The following MRTFB variants were observed in gnomAD, a reference collection of about 807,000 sequenced individuals.
MRTFB encodes myocardin-related transcription factor B.
MRTFB carries 29 observed loss-of-function variants against 104.2 expected under a neutral mutation model. The ratio of observed to expected loss-of-function variants is 0.28; its 90% CI spans 0.21 to 0.38. MRTFB has a LOEUF of 0.38. Ranked by LOEUF, MRTFB falls within the 10% of genes least tolerant of loss-of-function variation. The pLI is 1.00. For synonymous variants in MRTFB, 535 were observed against 519.5 expected (o/e 1.03, Z -0.41); for missense variants, 1,270 against 1,341.6 (o/e 0.95, Z 0.83).
chr16:14,099,239 A>C (rs768175143), intron 2 of MRTFB, among the ~76,000 whole-genome samples: 6 of 152,118 alleles, frequency 3.9e-5, no homozygotes, highest in Non-Finnish European at 7.4e-5. Flanking sequence ...TATATTTTTT[A>C]AAATTTCTCT....
intron 10 of MRTFB, among the ~76,000 whole-genome samples, chr16:14,245,302 T>C (rs997674807): frequency 1.3e-5 from 2 of 152,188 alleles, no homozygotes; most frequent in East Asian, 3.9e-4. Context: ...TGCATTTCCA[T>C]ATAAAGCTTA....
Position 14,134,889 on chromosome 16 carries a change from A to G in MRTFB, c.-63-5655A>G, listed in dbSNP as rs372155742. Among the ~76,000 whole-genome samples, 39 of 152,320 alleles carry G rather than the reference A, an allele frequency of 2.6e-4. No homozygotes were observed. The East Asian group carries it at 6.2e-3, about 24-fold the overall frequency. On this transcript the variant is annotated intron_variant, in intron 2 of 16. Coordinates refer to ENST00000571589, the MANE Select transcript of MRTFB (RefSeq NM_001308142.2). The stretch of plus-strand genomic sequence containing the variant: ...TTTCCAAGCCTTGGCTTTCTCATCT[A>G]TAAAATGGGAATGTTGATACCCAGA...
At chr16:14,216,827 G>T (rs951913447) in intron 6 of MRTFB, among the ~76,000 whole-genome samples, 3 of 152,134 alleles carry the variant, frequency 2.0e-5, no homozygotes, top group Non-Finnish European at 4.4e-5. Flanking sequence ...CCTAGTAAAT[G>T]TGAATTTGAC....
chr16:14,006,512 C>CA, the MRTFB span, among the ~76,000 whole-genome samples: 15,865 of 132,320 alleles, frequency 0.12, 930 homozygotes, highest in African/African-American at 0.17. Context: ...GACTCTGTCT[C>CA]AAAAAAAAAA....
At chr16:14,065,792 C>A in the MRTFB span, among the ~76,000 whole-genome samples, 311 of 152,156 alleles carry the variant, frequency 2.0e-3, 1 homozygote, top group African/African-American at 7.1e-3. Flanking sequence ...GTCCACCCTG[C>A]CCTCCCAGCC....
chr16:14,011,325 C>G, the MRTFB span, among the ~76,000 whole-genome samples: 1 of 152,338 alleles, frequency 6.6e-6, no homozygotes, highest in South Asian at 2.1e-4. Context: ...CAAGTCACTT[C>G]ACCTCTCTGA....
rs988504705 is a variant in MRTFB at position 14,219,098 on chromosome 16, G to A, written c.693+100G>A. 4.7e-5 allele frequency: 56 copies of A among 1,202,694 alleles called. 1 individual carries two copies. Among genetic ancestry groups the A allele is most frequent in the Admixed American group, 3.5e-5 (1 of 28,708 alleles). The allele number at this position is 1,202,694 out of a possible 1,614,324, so 74.5% of individuals were successfully genotyped here. ...TTTGACCAGAAGAAAATTCTGAATT[G>A]AATTTAAATTGATTTATTAAGCAAA... On this transcript the variant is annotated intron_variant, in intron 8 of 16. Coordinates refer to ENST00000571589, the MANE Select transcript of MRTFB (RefSeq NM_001308142.2).
At chr16:14,230,230 T>A (rs1210905608) in intron 8 of MRTFB, among the ~76,000 whole-genome samples, 1 of 152,174 alleles carries the variant, frequency 6.6e-6, no homozygotes, top group Admixed American at 6.5e-5. Flanking sequence ...GGGCGAGGAC[T>A]TCATGTCTAA....
chr16:14,261,460 T>C lies in MRTFB; in HGVS notation c.*16T>C. The C allele has an allele frequency of 2.6e-6, 4 of 1,568,072 alleles. No homozygotes were observed. Among genetic ancestry groups the C allele is most frequent in the Non-Finnish European group, 3.5e-6 (4 of 1,154,620 alleles). ...ATGGGACTAACGTCACAGATTTCTT[T>C]TCTGAGAGTTGATGAGGTTTAAGAA... is the stretch of plus-strand genomic sequence containing the variant. On this transcript the variant is annotated 3_prime_UTR_variant, in exon 17 of 17. Coordinates refer to ENST00000571589, the MANE Select transcript of MRTFB (RefSeq NM_001308142.2).
rs758203532 is a variant in MRTFB at position 14,140,659 on chromosome 16, A to T, written c.53A>T (p.His18Leu). 1 of 1,614,170 alleles carries T rather than the reference A, an allele frequency of 6.2e-7. No individual in the cohort carries two copies. The highest frequency in any genetic ancestry group is 2.2e-5 in the East Asian group (1 of 44,870). The change falls in exon 3 of 17, where the codon CAT becomes CTT. Residue 18 changes from histidine to leucine, a missense_variant. His to Leu is a moderately conservative substitution (Grantham distance 99). Around this residue, in one of 3 missense-constraint regions of MRTFB, gnomAD observed 62 missense variants for 57.2 expected, o/e 1.08. Transcript: ENST00000571589. ...DTEDEVGPLA[H>L]LAPSPQSEAV... is the part of the protein sequence containing the mutation. ...GAGGATGAAGTGGGACCTTTAGCCC[A>T]TCTTGCTCCAAGTCCTCAGAGTGAA...
chr16:14,165,244 A>G (rs2039192569), intron 3 of MRTFB, among the ~76,000 whole-genome samples: 1 of 152,090 alleles, frequency 6.6e-6, no homozygotes, highest in Admixed American at 6.5e-5. Flanking sequence ...TGGTGCATGG[A>G]TGATCTGAGA....
chr16:14,064,758 C>A, the MRTFB span, among the ~76,000 whole-genome samples: 2 of 152,154 alleles, frequency 1.3e-5, no homozygotes, highest in South Asian at 4.1e-4. Flanking sequence ...TGTCAGAGAT[C>A]AGATTGTTGT....
At position 14,226,974 on chromosome 16, in the gene MRTFB, T is replaced by C. The variant is rs531155434; in HGVS notation, c.694-7172T>C. Among the ~76,000 whole-genome samples, 759 of 88,078 alleles carry C rather than the reference T, an allele frequency of 8.6e-3. 5 individuals carry two copies. Among genetic ancestry groups the C allele is most frequent in the African/African-American group, 0.025 (713 of 28,132 alleles). 57.8% of individuals were successfully genotyped at this position (88,078 alleles called of 152,430 possible). ...CAGCCTGGGGGACAGAGCGAGAACC[T>C]GTCTCTTAAAAAAAAAAGAAACAAG... On this transcript the variant is annotated intron_variant, in intron 8 of 16. Transcript: ENST00000571589.
the MRTFB span, among the ~76,000 whole-genome samples, chr16:14,003,622 C>CT: frequency 5.8e-3 from 651 of 112,770 alleles, 4 homozygotes; most frequent in Non-Finnish European, 7.9e-3. Flanking sequence ...TGGGGCCGGC[C>CT]GGCCTGCCTG....
chr16:14,238,956 A>G (rs1306860131), intron 9 of MRTFB, among the ~76,000 whole-genome samples: 1 of 152,210 alleles, frequency 6.6e-6, no homozygotes, highest in Non-Finnish European at 1.5e-5. Context: ...GCCTTTGCCA[A>G]TTCCCATGGT....
intron 3 of MRTFB, among the ~76,000 whole-genome samples, chr16:14,171,958 C>A (rs2039437155): frequency 6.6e-6 from 1 of 152,116 alleles, no homozygotes; most frequent in South Asian, 2.1e-4. Context: ...TCAGCATGTC[C>A]ATGTTATTTG....
rs929635327 is a variant in MRTFB, at chr16:14,265,684, A to C, written c.*4240A>C. 1 of 152,166 alleles carries C rather than the reference A, an allele frequency of 6.6e-6. No homozygotes were observed. Among genetic ancestry groups the C allele is most frequent in the Non-Finnish European group, 1.5e-5 (1 of 68,026 alleles). The allele number at this position is 152,166 out of a possible 1,614,324, so 9.4% of individuals were successfully genotyped here. On this transcript the variant is annotated 3_prime_UTR_variant, in exon 17 of 17. Coordinates refer to ENST00000571589, the MANE Select transcript of MRTFB (RefSeq NM_001308142.2). ...AAACACATCATTACAAAGGGTTTCT[A>C]CCTGAAATCTTTCATGGAAGGCCTA...
chr16:14,191,527 C>T (rs905713331), intron 3 of MRTFB, among the ~76,000 whole-genome samples: 1 of 152,150 alleles, frequency 6.6e-6, no homozygotes, highest in African/African-American at 2.4e-5. Context: ...GCTATTAGCC[C>T]CATAATATTT....
chr16:14,006,600 T>A, the MRTFB span, among the ~76,000 whole-genome samples: 15,534 of 152,206 alleles, frequency 0.1, 897 homozygotes, highest in African/African-American at 0.14. Flanking sequence ...ATAATCCACA[T>A]GCATGTCTTT....
Sources: gnomAD v4.1 joint callset for allele counts (sites outside exome capture counted in the v4.1 genomes callset) on GRCh38, gnomAD v4.1.1 for gene constraint, gnomAD v4.1.1 regional missense constraint, MANE v1.5 for transcripts, NCBI Gene and HGNC (gene_info 2026-07-23, HGNC 2026-07-21) for gene names.